The following CTNNA3 variants were observed in gnomAD, a reference collection of about 807,000 sequenced individuals.
CTNNA3 encodes catenin alpha-3.
In CTNNA3, 76 loss-of-function variants were observed where a neutral mutation model predicts 95.7. The ratio of observed to expected loss-of-function variants is 0.79; its 90% CI spans 0.66 to 0.96. The LOEUF (loss-of-function observed/expected upper bound fraction) is 0.96, where lower values mean the gene tolerates loss of function less well. CTNNA3 is among the 40% of genes least tolerant of loss of function. The probability of loss-of-function intolerance (pLI) is 0.00; values close to 1 mark genes in which losing one functional copy is unlikely to be tolerated. For missense variants in CTNNA3, 1,191 were observed against 1,089.8 expected, an observed-to-expected ratio of 1.09 and a Z score of -1.31; for synonymous variants, 431 against 374.4, an observed-to-expected ratio of 1.15 and a Z score of -1.74.
At chr10:66,360,536 A>G (rs1188083096) in intron 12 of CTNNA3, among the ~76,000 whole-genome samples, 2 of 152,130 alleles carry the variant, frequency 1.3e-5, no homozygotes, top group African/African-American at 2.4e-5. Context: ...TTGGACCAGT[A>G]TGTGCTTTCC....
chr10:67,008,466 G>A (rs1451215406), intron 7 of CTNNA3, among the ~76,000 whole-genome samples: 1 of 151,720 alleles, frequency 6.6e-6, no homozygotes, highest in Non-Finnish European at 1.5e-5. Context: ...TTTTTTGTTT[G>A]TTTTGTTTTG....
In CTNNA3 at chr10:66,367,475, T is replaced by C. The variant is rs548281876; in HGVS notation, c.1732+11677A>G. Among the ~76,000 whole-genome samples, 70 of 149,854 alleles carry C rather than the reference T, an allele frequency of 4.7e-4. 1 individual carries two copies. Among genetic ancestry groups the C allele is most frequent in the Non-Finnish European group, 7.8e-4 (53 of 67,524 alleles). ...TATATAGTTGCAACATTACATATAATACATATATTTATATATAATATTGTA... is the reference window on the plus strand; with the variant it reads ...TATATAGTTGCAACATTACATATAACACATATATTTATATATAATATTGTA... On this transcript the variant is annotated intron_variant, in intron 12 of 17. Transcript: ENST00000433211.
At chr10:67,017,049 A>T (rs1852703011) in intron 7 of CTNNA3, among the ~76,000 whole-genome samples, 1 of 152,210 alleles carries the variant, frequency 6.6e-6, no homozygotes, top group Non-Finnish European at 1.5e-5. Context: ...ACAAAAATTA[A>T]TGAGCCAAGA....
At chr10:66,161,183 T>C (rs145740882) in intron 13 of CTNNA3, among the ~76,000 whole-genome samples, 34 of 152,334 alleles carry the variant, frequency 2.2e-4, no homozygotes, top group African/African-American at 7.9e-4. Context: ...ATTCAAATGT[T>C]AGTATTGAAA....
intron 7 of CTNNA3, among the ~76,000 whole-genome samples, chr10:67,171,326 G>C (rs1317734734): frequency 6.6e-6 from 1 of 152,158 alleles, no homozygotes; most frequent in East Asian, 1.9e-4. Flanking sequence ...CATAATCCCA[G>C]CACTTTGGGA....
In CTNNA3 at chr10:66,030,901, T is replaced by C. The variant is rs1377668959; in HGVS notation, c.2159+38407A>G. On this transcript the variant is annotated intron_variant, in intron 15 of 17. Transcript: ENST00000433211. Reference sequence around the variant, plus strand: ...CGGGCAAAGGACATGAAGAGAAACTTCTCAAAAGAAGATAGTCAAGCAAAA... The same window carrying C: ...CGGGCAAAGGACATGAAGAGAAACTCCTCAAAAGAAGATAGTCAAGCAAAA... Among the ~76,000 whole-genome samples, 4 of 151,572 alleles carry C rather than the reference T, an allele frequency of 2.6e-5. No individual in the cohort carries two copies. In the East Asian group the frequency reaches 7.7e-4, roughly 29 times the overall value.
chr10:66,755,530 C>T (rs1348065220), intron 9 of CTNNA3, among the ~76,000 whole-genome samples: 1 of 151,984 alleles, frequency 6.6e-6, no homozygotes, highest in Non-Finnish European at 1.5e-5. Flanking sequence ...GATAATATTA[C>T]ATACATATTA....
chr10:66,703,668 C>A (rs1292080222), intron 9 of CTNNA3, among the ~76,000 whole-genome samples: 1 of 152,142 alleles, frequency 6.6e-6, no homozygotes, highest in Non-Finnish European at 1.5e-5. Flanking sequence ...AGGATGCAAG[C>A]TTTTGCTTTT....
intron 7 of CTNNA3, among the ~76,000 whole-genome samples, chr10:66,866,027 C>CA (rs547501761): frequency 2.3e-3 from 350 of 152,026 alleles, no homozygotes; most frequent in African/African-American, 7.0e-3. Flanking sequence ...CACAGAAATG[C>CA]AAAAAAATCA....
At chr10:67,499,441 C>T (rs1191184268) in intron 5 of CTNNA3, among the ~76,000 whole-genome samples, 2 of 152,100 alleles carry the variant, frequency 1.3e-5, no homozygotes, top group Non-Finnish European at 2.9e-5. Context: ...ATGATGTTGG[C>T]CTCATAAAAT....
Position 66,928,281 on chromosome 10 carries a change from C to T in CTNNA3, c.1048-152757G>A, listed in dbSNP as rs147522212. The T allele has an allele frequency of 3.1e-6, 5 of 1,614,042 alleles. No homozygotes were observed. In the African/African-American group the frequency reaches 5.3e-5, roughly 17 times the overall value. ...CGAGCATGAAGCAGCTGCAGCAGCGCTCCCTCATGCGAAGGCACAGGAAAA... is the reference window on the plus strand; with the variant it reads ...CGAGCATGAAGCAGCTGCAGCAGCGTTCCCTCATGCGAAGGCACAGGAAAA... On this transcript the variant is annotated intron_variant, in intron 7 of 17. Transcript: ENST00000433211.
At chr10:65,996,807 C>G (rs1564566940) in intron 15 of CTNNA3, among the ~76,000 whole-genome samples, 1 of 152,152 alleles carries the variant, frequency 6.6e-6, no homozygotes, top group Non-Finnish European at 1.5e-5. Context: ...GCTTTACTTC[C>G]CTGTTTTTTT....
chr10:67,143,425 T>TAAAAAAAAAAAAAAACAAA (rs1860687730), intron 7 of CTNNA3, among the ~76,000 whole-genome samples: 1 of 76,006 alleles, frequency 1.3e-5, no homozygotes, highest in Non-Finnish European at 2.6e-5. Context: ...GGCTCTGTCT[T>TAAAAAAAAAAAAAAACAAA]AAAAAAAAAA....
At chr10:66,865,337 C>T (rs780426141) in intron 7 of CTNNA3, among the ~76,000 whole-genome samples, 1 of 151,624 alleles carries the variant, frequency 6.6e-6, no homozygotes, top group Non-Finnish European at 1.5e-5. Flanking sequence ...GGTCAGAGTA[C>T]GTATTTCTAT....
At chr10:67,630,182 G>A (rs1839095460) in intron 2 of CTNNA3, among the ~76,000 whole-genome samples, 1 of 152,116 alleles carries the variant, frequency 6.6e-6, no homozygotes, top group Non-Finnish European at 1.5e-5. Flanking sequence ...CTAAAAAGAA[G>A]GCAAAGGGAA....
intron 5 of CTNNA3, among the ~76,000 whole-genome samples, chr10:67,381,878 T>C (rs947268410): frequency 7.9e-5 from 12 of 152,178 alleles, no homozygotes; most frequent in Non-Finnish European, 1.6e-4. Context: ...TTTCTTTTTT[T>C]TTCCAGTCCA....
At chr10:66,374,521 A>G (rs551589285) in intron 12 of CTNNA3, among the ~76,000 whole-genome samples, 7 of 151,834 alleles carry the variant, frequency 4.6e-5, no homozygotes, top group African/African-American at 1.7e-4. Context: ...ATACGACACA[A>G]TGGTAGGCCC....
intron 7 of CTNNA3, among the ~76,000 whole-genome samples, chr10:66,862,043 C>T (rs1431782751): frequency 6.6e-6 from 1 of 151,862 alleles, no homozygotes; most frequent in African/African-American, 2.4e-5. Flanking sequence ...GGTGAAAAAC[C>T]GTCACTATTA....
intron 5 of CTNNA3, among the ~76,000 whole-genome samples, chr10:67,417,368 G>A (rs1246231642): frequency 6.6e-6 from 1 of 152,088 alleles, no homozygotes; most frequent in Non-Finnish European, 1.5e-5. Flanking sequence ...CAGTGGACGG[G>A]ATCTATACCC....
Sources: allele counts gnomAD v4.1 joint callset (sites outside exome capture counted in the v4.1 genomes callset), GRCh38; gene constraint gnomAD v4.1.1; transcripts MANE v1.5; gene names NCBI Gene and HGNC (gene_info 2026-07-23, HGNC 2026-07-21).